C10orf90: variants seen among roughly 807,000 people sequenced by gnomAD.
The protein encoded by C10orf90 is chromosome 10 open reading frame 90, also known as (E2-independent) E3 ubiquitin-conjugating enzyme FATS.
In C10orf90, 56 loss-of-function variants were observed where a neutral mutation model predicts 62.5. The ratio of observed to expected loss-of-function variants is 0.90; its 90% CI spans 0.72 to 1.12. The LOEUF (loss-of-function observed/expected upper bound fraction) is 1.12. C10orf90 is among the 50% of genes most tolerant of loss of function. The pLI, the probability that C10orf90 is intolerant of heterozygous loss-of-function variation, is 0.00. For missense variants in C10orf90, 970 were observed against 880.4 expected, an observed-to-expected ratio of 1.10 and a Z score of -1.29; for synonymous variants, 386 against 340.4, an observed-to-expected ratio of 1.13 and a Z score of -1.47.
intron 5 of C10orf90, among the ~76,000 whole-genome samples, chr10:126,462,877 A>C (rs1051419630): frequency 2.6e-5 from 4 of 152,158 alleles, no homozygotes; most frequent in Non-Finnish European, 5.9e-5. Flanking sequence ...ATGGCTGTTC[A>C]TGGTAGACGT....
chr10:126,541,467 T>C (rs1263266064), intron 2 of C10orf90, among the ~76,000 whole-genome samples: 1 of 152,122 alleles, frequency 6.6e-6, no homozygotes, highest in Non-Finnish European at 1.5e-5. Flanking sequence ...AGGTTTAATA[T>C]CCAGAACATA....
chr10:126,658,150 A>G (rs912827286), intron 1 of C10orf90, among the ~76,000 whole-genome samples: 3 of 152,250 alleles, frequency 2.0e-5, no homozygotes, highest in African/African-American at 7.2e-5. Context: ...GCCGACAGCC[A>G]TGAGGTCCCG....
chr10:126,481,518 C>G (rs1284890138), intron 4 of C10orf90, among the ~76,000 whole-genome samples: 1 of 152,238 alleles, frequency 6.6e-6, no homozygotes, highest in East Asian at 1.9e-4. Flanking sequence ...TGGTTTGAGA[C>G]AGAGTCCACA....
chr10:126,513,146 A>G, intron 3 of C10orf90, among the ~76,000 whole-genome samples: 1 of 152,162 alleles, frequency 6.6e-6, no homozygotes, highest in East Asian at 1.9e-4. Flanking sequence ...GAAAGTCCAT[A>G]CTGTAAATCT....
chr10:126,575,422 A>G (rs1181245885), intron 2 of C10orf90, among the ~76,000 whole-genome samples: 1 of 152,044 alleles, frequency 6.6e-6, no homozygotes, highest in Non-Finnish European at 1.5e-5. Flanking sequence ...AAGAAACTGA[A>G]AAAGGATACA....
intron 4 of C10orf90, among the ~76,000 whole-genome samples, chr10:126,467,058 T>C (rs1413889566): frequency 6.6e-6 from 1 of 152,240 alleles, no homozygotes; most frequent in Non-Finnish European, 1.5e-5. Context: ...GGATCCATCC[T>C]GGAGTATGAT....
At chr10:126,655,249 C>A (rs932178341) in intron 1 of C10orf90, among the ~76,000 whole-genome samples, 1 of 152,028 alleles carries the variant, frequency 6.6e-6, no homozygotes, top group South Asian at 2.1e-4. Flanking sequence ...ACCCAGGAGG[C>A]GGAGGTGGCA....
At chr10:126,527,370 T>C (rs2133950713) in intron 2 of C10orf90, among the ~76,000 whole-genome samples, 1 of 152,320 alleles carries the variant, frequency 6.6e-6, no homozygotes, top group East Asian at 1.9e-4. Flanking sequence ...TTTGGAAAAA[T>C]GTCTATCCAG....
chr10:126,633,167 C>T (rs1845883386), intron 2 of C10orf90, among the ~76,000 whole-genome samples: 1 of 152,196 alleles, frequency 6.6e-6, no homozygotes, highest in Admixed American at 6.5e-5. Flanking sequence ...GGGGTGATGT[C>T]CAGGTTCTGC....
At chr10:126,559,968 C>T (rs761080454) in intron 2 of C10orf90, among the ~76,000 whole-genome samples, 16 of 152,152 alleles carry the variant, frequency 1.1e-4, no homozygotes, top group Non-Finnish European at 1.9e-4. Flanking sequence ...TTAGACACCG[C>T]GGAGAACTGC....
At chr10:126,435,066 C>G (rs1857831498) in intron 7 of C10orf90, among the ~76,000 whole-genome samples, 1 of 152,222 alleles carries the variant, frequency 6.6e-6, no homozygotes, top group Non-Finnish European at 1.5e-5. Flanking sequence ...TTCTAGCCAT[C>G]TGTGGAATCC....
At chr10:126,472,290 C>A (rs1860623450) in intron 4 of C10orf90, among the ~76,000 whole-genome samples, 1 of 152,080 alleles carries the variant, frequency 6.6e-6, no homozygotes, top group Non-Finnish European at 1.5e-5. Flanking sequence ...GAAAACCTGA[C>A]CTATAGAAAA....
At chr10:126,644,398 G>C (rs1467016100) in intron 2 of C10orf90, among the ~76,000 whole-genome samples, 1 of 152,234 alleles carries the variant, frequency 6.6e-6, no homozygotes, top group Non-Finnish European at 1.5e-5. Context: ...GGAAGACACA[G>C]AAAACATGAG....
At position 126,512,338 on chromosome 10, in the gene C10orf90, A is replaced by ATGTGTGTG. The variant is rs1303066476; in HGVS notation, c.405+1502_405+1509dup. Among the ~76,000 whole-genome samples the ATGTGTGTG allele has an allele frequency of 3.6e-3, 361 of 100,276 alleles. 1 individual carries two copies. The highest frequency in any genetic ancestry group is 0.013 in the African/African-American group (335 of 25,730). The allele number at this position is 100,276 out of a possible 152,430, so 65.8% of individuals were successfully genotyped here. A position where few individuals can be genotyped will look rare whatever the true frequency, so the allele number is the denominator to read the frequency against. On this transcript the variant is annotated intron_variant, in intron 3 of 9. Transcript: ENST00000488181. ...GTGTGTGTGTGTTCTATGTGTGTGTATGTGTGTGTGTCTGTGTGTGTGTGT... is the reference window on the plus strand; with the variant it reads ...GTGTGTGTGTGTTCTATGTGTGTGTATGTGTGTGTGTGTGTGTGTCTGTGTGTGTGTGT...
intron 1 of C10orf90, among the ~76,000 whole-genome samples, chr10:126,667,898 A>G (rs1447634150): frequency 1.3e-5 from 2 of 152,134 alleles, no homozygotes; most frequent in African/African-American, 2.4e-5. Context: ...CAAGTCTTTG[A>G]AAATATGAAC....
At chr10:126,628,931 C>A (rs1564899511) in intron 2 of C10orf90, among the ~76,000 whole-genome samples, 1 of 152,226 alleles carries the variant, frequency 6.6e-6, no homozygotes, top group African/African-American at 2.4e-5. Context: ...TGGGTGCCCA[C>A]CGCTGTGTAG....
At chr10:126,483,272 T>C (rs1861258794) in intron 4 of C10orf90, among the ~76,000 whole-genome samples, 1 of 152,256 alleles carries the variant, frequency 6.6e-6, no homozygotes, top group African/African-American at 2.4e-5. Context: ...TACTTGGCAT[T>C]CTGGTCTTTG....
At chr10:126,649,190 T>G (rs1459775657) in intron 1 of C10orf90, among the ~76,000 whole-genome samples, 1 of 151,802 alleles carries the variant, frequency 6.6e-6, no homozygotes, top group East Asian at 1.9e-4. Flanking sequence ...CACTATTGAT[T>G]CAAGAATTTT....
chr10:126,560,614 T>C (rs1864879341), intron 2 of C10orf90, among the ~76,000 whole-genome samples: 1 of 152,170 alleles, frequency 6.6e-6, no homozygotes, highest in South Asian at 2.1e-4. Flanking sequence ...GCTTCTTTAG[T>C]GACGGCAGAG....
Sources: allele counts gnomAD v4.1 joint callset (sites outside exome capture counted in the v4.1 genomes callset), GRCh38; gene constraint gnomAD v4.1.1; transcripts MANE v1.5; gene names NCBI Gene and HGNC (gene_info 2026-07-23, HGNC 2026-07-21).